PCDH9: variants seen among roughly 807,000 people sequenced by gnomAD.
PCDH9 encodes protocadherin 9, also known as protocadherin-9.
PCDH9 carries 24 observed loss-of-function variants against 70.6 expected under a neutral mutation model. The ratio of observed to expected loss-of-function variants is 0.34; its 90% CI spans 0.25 to 0.48. The LOEUF (loss-of-function observed/expected upper bound fraction) is 0.48. PCDH9 is among the 20% of genes least tolerant of loss of function. The pLI, the probability that PCDH9 is intolerant of heterozygous loss-of-function variation, is 0.99. For missense variants in PCDH9, 1,281 were observed against 1,503.6 expected, an observed-to-expected ratio of 0.85 and a Z score of 2.45; for synonymous variants, 562 against 558.5, an observed-to-expected ratio of 1.01 and a Z score of -0.09.
rs2084841307 is a variant in PCDH9, at chr13:67,028,651, C to T, written c.3037-125046G>A. ...GATGTTTATTAAAAGTTAGTTAACC[C>T]AAGGCTGTATGACTTAATTTGTAAA... is the stretch of plus-strand genomic sequence containing the variant. On this transcript the variant is annotated intron_variant, in intron 2 of 4. Transcript: ENST00000377865. 2.0e-5 allele frequency among the ~76,000 whole-genome samples: 3 copies of T among 151,910 alleles called. No homozygotes were observed. The South Asian group carries it at 6.2e-4, about 32-fold the overall frequency.
chr13:66,988,975 A>G (rs899855210), intron 2 of PCDH9, among the ~76,000 whole-genome samples: 8 of 151,958 alleles, frequency 5.3e-5, no homozygotes, highest in Non-Finnish European at 1.0e-4. Context: ...TAGAAATTTC[A>G]TATTAGAGAT....
At chr13:66,510,265 T>C (rs1349432550) in intron 4 of PCDH9, among the ~76,000 whole-genome samples, 1 of 152,100 alleles carries the variant, frequency 6.6e-6, no homozygotes, top group Non-Finnish European at 1.5e-5. Flanking sequence ...GAATGAATTA[T>C]CTACTGCTCA....
chr13:67,148,034 G>A (rs995556091), intron 2 of PCDH9, among the ~76,000 whole-genome samples: 10 of 152,058 alleles, frequency 6.6e-5, no homozygotes, highest in African/African-American at 2.2e-4. Context: ...TGCTGATCCC[G>A]GTCTTTTCTT....
At chr13:67,007,027 T>C (rs1282216561) in intron 2 of PCDH9, among the ~76,000 whole-genome samples, 1 of 152,186 alleles carries the variant, frequency 6.6e-6, no homozygotes, top group Non-Finnish European at 1.5e-5. Flanking sequence ...AGTATTTGCA[T>C]ATACTAATGC....
At position 66,689,909 on chromosome 13, in the gene PCDH9, T is replaced by C. The variant is rs140718121; in HGVS notation, c.3139-58498A>G. ...ATGTTTCTTGTCTTCTTTTTTATTTTTTAAAGACTATGCCTCGAGATATAT... is the reference window on the plus strand; with the variant it reads ...ATGTTTCTTGTCTTCTTTTTTATTTCTTAAAGACTATGCCTCGAGATATAT... On this transcript the variant is annotated intron_variant, in intron 3 of 4. Coordinates refer to ENST00000377865, the MANE Select transcript of PCDH9 (RefSeq NM_203487.3). Among the ~76,000 whole-genome samples the C allele has an allele frequency of 9.3e-4, 141 of 152,294 alleles. 1 individual carries two copies. Among genetic ancestry groups the C allele is most frequent in the African/African-American group, 3.4e-3 (140 of 41,576 alleles).
In PCDH9 at chr13:66,584,464, G is replaced by A. The variant is rs945210987; in HGVS notation, c.3340+46746C>T. 7.2e-5 allele frequency among the ~76,000 whole-genome samples: 11 copies of A among 152,032 alleles called. 1 individual carries two copies. Among genetic ancestry groups the A allele is most frequent in the Non-Finnish European group, 1.5e-5 (1 of 67,990 alleles). ...TTTTGCTTACAAGTTTCCTAAAGTT[G>A]CTAAAATATTGAACAAAGTCGATAA... On this transcript the variant is annotated intron_variant, in intron 4 of 4. Coordinates refer to ENST00000377865, the MANE Select transcript of PCDH9 (RefSeq NM_203487.3).
intron 2 of PCDH9, among the ~76,000 whole-genome samples, chr13:67,097,142 C>A (rs1316131701): frequency 6.6e-6 from 1 of 151,668 alleles, no homozygotes; most frequent in South Asian, 2.1e-4. Flanking sequence ...ATAGTCCCAG[C>A]TACTTGGGAG....
chr13:66,888,907 T>C (rs1198943843), intron 3 of PCDH9, among the ~76,000 whole-genome samples: 2 of 152,170 alleles, frequency 1.3e-5, no homozygotes, highest in African/African-American at 2.4e-5. Context: ...TTTTCTATAA[T>C]TGTGCCAAAG....
chr13:66,606,818 T>C (rs78594481), intron 4 of PCDH9, among the ~76,000 whole-genome samples: 5,126 of 152,132 alleles, frequency 0.034, 309 homozygotes, highest in African/African-American at 0.12. Context: ...GAAGCTTAAG[T>C]GTTAATACCA....
chr13:66,564,867 T>TG (rs1388198649), intron 4 of PCDH9, among the ~76,000 whole-genome samples: 3 of 149,566 alleles, frequency 2.0e-5, no homozygotes, highest in African/African-American at 7.4e-5. Context: ...AATGTAGGGT[T>TG]TTTTTTTTTT....
At chr13:67,036,281 T>C (rs1036399926) in intron 2 of PCDH9, among the ~76,000 whole-genome samples, 1 of 152,200 alleles carries the variant, frequency 6.6e-6, no homozygotes, top group African/African-American at 2.4e-5. Flanking sequence ...CACTGTTTCA[T>C]ATTTTATCTA....
intron 2 of PCDH9, among the ~76,000 whole-genome samples, chr13:67,179,796 C>T (rs1328857071): frequency 1.3e-5 from 2 of 151,934 alleles, no homozygotes; most frequent in African/African-American, 4.8e-5. Context: ...TGTTCAATTT[C>T]TTGGGTGTGT....
rs919606503 is a variant in PCDH9, at chr13:66,651,598, T to C, written c.3139-20187A>G. On this transcript the variant is annotated intron_variant, in intron 3 of 4. Transcript: ENST00000377865. The stretch of plus-strand genomic sequence containing the variant: ...ACTAAACATTTATTTAAAGAACTAA[T>C]ACCAATCTGACTAAAACTATTCCAA... Among the ~76,000 whole-genome samples the C allele has an allele frequency of 2.6e-5, 4 of 152,062 alleles. No homozygotes were observed. The East Asian group carries it at 7.7e-4, about 29-fold the overall frequency.
chr13:67,191,737 C>A (rs1431971845), intron 2 of PCDH9, among the ~76,000 whole-genome samples: 1 of 152,096 alleles, frequency 6.6e-6, no homozygotes. Context: ...CTCTTCTCTA[C>A]CTGCCCTGTC....
chr13:66,770,516 TA>T (rs1480514613), intron 3 of PCDH9, among the ~76,000 whole-genome samples: 1 of 152,226 alleles, frequency 6.6e-6, no homozygotes, highest in Non-Finnish European at 1.5e-5. Context: ...TCATGCCTAG[TA>T]GGCTAACCTT....
chr13:66,592,973 G>A (rs953444323), intron 4 of PCDH9, among the ~76,000 whole-genome samples: 1 of 151,534 alleles, frequency 6.6e-6, no homozygotes, highest in Admixed American at 6.6e-5. Context: ...GCATTATTTG[G>A]ACATTTATTT....
At chr13:66,406,253 G>A (rs1957279159) in intron 4 of PCDH9, among the ~76,000 whole-genome samples, 1 of 152,156 alleles carries the variant, frequency 6.6e-6, no homozygotes, top group Non-Finnish European at 1.5e-5. Context: ...ACAAGTAGCA[G>A]CTGTGAGACT....
intron 2 of PCDH9, among the ~76,000 whole-genome samples, chr13:67,112,264 G>A (rs140101476): frequency 6.6e-6 from 1 of 152,096 alleles, no homozygotes; most frequent in Non-Finnish European, 1.5e-5. Flanking sequence ...TGCTAGGCAG[G>A]GCATTTGACA....
intron 4 of PCDH9, among the ~76,000 whole-genome samples, chr13:66,599,114 A>T (rs2077135594): frequency 6.6e-6 from 1 of 151,878 alleles, no homozygotes; most frequent in African/African-American, 2.4e-5. Context: ...TTTATTTTAA[A>T]AGTTATGTTA....
Sources: gnomAD v4.1 joint callset for allele counts (sites outside exome capture counted in the v4.1 genomes callset) on GRCh38, gnomAD v4.1.1 for gene constraint, MANE v1.5 for transcripts, NCBI Gene and HGNC (gene_info 2026-07-23, HGNC 2026-07-21) for gene names.